The following ADAMTS18 variants were observed in gnomAD, a reference collection of about 807,000 sequenced individuals.
The protein encoded by ADAMTS18 is A disintegrin and metalloproteinase with thrombospondin motifs 18.
Under a neutral mutation model 165.9 loss-of-function variants are expected in ADAMTS18, and 157 were observed. The ratio of observed to expected loss-of-function variants is 0.95; its 90% CI spans 0.83 to 1.08. The LOEUF (loss-of-function observed/expected upper bound fraction) is 1.08, where lower values mean the gene tolerates loss of function less well. ADAMTS18 is among the 50% of genes least tolerant of loss of function. The pLI is 0.00. For synonymous variants in ADAMTS18, 782 were observed against 578.2 expected (o/e 1.35, Z -5.06); for missense variants, 2,040 against 1,534.0 (o/e 1.33, Z -5.51).
At chr16:77,404,165 G>A (rs980199905) in intron 3 of ADAMTS18, among the ~76,000 whole-genome samples, 59 of 152,270 alleles carry the variant, frequency 3.9e-4, no homozygotes, top group African/African-American at 1.4e-3. Context: ...AGGAGGAAGA[G>A]GAGGAGGTGG....
At chr16:77,299,359 C>T (rs2055536644) in intron 17 of ADAMTS18, among the ~76,000 whole-genome samples, 1 of 152,096 alleles carries the variant, frequency 6.6e-6, no homozygotes, top group South Asian at 2.1e-4. Context: ...AATGTATTAC[C>T]TTTTAATTAT....
chr16:77,389,940 T>C (rs2057163191), intron 3 of ADAMTS18, among the ~76,000 whole-genome samples: 1 of 152,176 alleles, frequency 6.6e-6, no homozygotes, highest in Admixed American at 6.5e-5. Flanking sequence ...TGATTCAAAA[T>C]AAAAATATTA....
intron 11 of ADAMTS18, among the ~76,000 whole-genome samples, chr16:77,336,160 A>G (rs142385547): frequency 0.011 from 1,641 of 152,324 alleles, 29 homozygotes; most frequent in African/African-American, 0.037. Flanking sequence ...GGCTTTGTGA[A>G]CTGTGGAGGT....
At chr16:77,313,545 T>C (rs961340284) in intron 16 of ADAMTS18, among the ~76,000 whole-genome samples, 4 of 151,334 alleles carry the variant, frequency 2.6e-5, no homozygotes, top group Non-Finnish European at 5.9e-5. Flanking sequence ...AATGGTTCTG[T>C]GTTTATGACC....
rs142086011 is a variant in ADAMTS18 at position 77,351,013 on chromosome 16, T to C, written c.1614+2720A>G. On this transcript the variant is annotated intron_variant, in intron 10 of 22. Coordinates refer to ENST00000282849, the MANE Select transcript of ADAMTS18 (RefSeq NM_199355.4). ...AAGCCCTGAAGACAAACTTCACCTC[T>C]TTCCTGCGTTGCCAGAGCGGGTCTA... is the stretch of plus-strand genomic sequence containing the variant. Among the ~76,000 whole-genome samples the C allele has an allele frequency of 2.3e-3, 349 of 152,292 alleles. 4 individuals carry two copies. The highest frequency in any genetic ancestry group is 7.2e-3 in the African/African-American group (300 of 41,578).
chr16:77,365,688 GA>G (rs149845585), intron 4 of ADAMTS18, among the ~76,000 whole-genome samples: 5,582 of 152,286 alleles, frequency 0.037, 193 homozygotes, highest in African/African-American at 0.085. Flanking sequence ...TTCCTGGGAA[GA>G]AAAATGGCAC....
intron 3 of ADAMTS18, among the ~76,000 whole-genome samples, chr16:77,408,340 C>A (rs1002198085): frequency 5.9e-5 from 9 of 151,974 alleles, no homozygotes; most frequent in African/African-American, 2.2e-4. Context: ...CGAGAAATTC[C>A]ATTTCTAGAT....
chr16:77,333,503 A>AAAT (rs1008194336), intron 12 of ADAMTS18, among the ~76,000 whole-genome samples: 5 of 151,462 alleles, frequency 3.3e-5, no homozygotes, highest in African/African-American at 1.2e-4. Flanking sequence ...AAAAAAAAAA[A>AAAT]AATAAAACAG....
At chr16:77,397,229 G>A (rs557649839) in intron 3 of ADAMTS18, among the ~76,000 whole-genome samples, 3 of 152,308 alleles carry the variant, frequency 2.0e-5, no homozygotes, top group South Asian at 2.1e-4. Context: ...AAAATCAACT[G>A]TGTAGAAAGG....
intron 16 of ADAMTS18, among the ~76,000 whole-genome samples, chr16:77,311,877 C>T (rs2055787972): frequency 6.6e-6 from 1 of 152,092 alleles, no homozygotes; most frequent in African/African-American, 2.4e-5. Context: ...AGAATGAGTG[C>T]ATAAAGAAAG....
chr16:77,284,403 C>T (rs758420307), intron 22 of ADAMTS18, among the ~76,000 whole-genome samples: 4 of 152,244 alleles, frequency 2.6e-5, no homozygotes, highest in Non-Finnish European at 5.9e-5. Flanking sequence ...ACTGGGATTA[C>T]AGGTGTGATC....
intron 3 of ADAMTS18, among the ~76,000 whole-genome samples, chr16:77,378,343 A>AAAC (rs2056982089): frequency 1.8e-5 from 1 of 56,556 alleles, no homozygotes; most frequent in African/African-American, 5.8e-5. Flanking sequence ...ACAAAAACAA[A>AAAC]AAAAAACAAA....
chr16:77,344,488 C>T (rs773563812), intron 10 of ADAMTS18, among the ~76,000 whole-genome samples: 3 of 151,936 alleles, frequency 2.0e-5, no homozygotes, highest in Non-Finnish European at 2.9e-5. Context: ...GTAAGAGAGC[C>T]GCCTATGTGA....
chr16:77,295,971 T>C lies in ADAMTS18; in HGVS notation c.2802-844A>G, dbSNP rs12926645. Among the ~76,000 whole-genome samples the C allele has an allele frequency of 2.6e-3, 398 of 151,786 alleles. 1 individual carries two copies. Among genetic ancestry groups the C allele is most frequent in the Non-Finnish European group, 3.5e-3 (235 of 67,952 alleles). On this transcript the variant is annotated intron_variant, in intron 18 of 22. Coordinates refer to ENST00000282849, the MANE Select transcript of ADAMTS18 (RefSeq NM_199355.4). ...TGATTCTCCTGCCTCAGCCTCAGAT[T>C]ATGACAAATGCACTATTATTTACAA...
intron 4 of ADAMTS18, among the ~76,000 whole-genome samples, chr16:77,365,385 G>C (rs921301245): frequency 3.3e-5 from 5 of 152,078 alleles, no homozygotes; most frequent in African/African-American, 1.2e-4. Context: ...AATGTAAACA[G>C]CTCTAAAATA....
Position 77,328,729 on chromosome 16 carries a change from C to T in ADAMTS18, c.1860-2691G>A, listed in dbSNP as rs183001690. ...CAGTTTAAGACTTTCTGTGATTTAACGAATAAACCTCATTTGGGCTCTATG... is the reference window on the plus strand; with the variant it reads ...CAGTTTAAGACTTTCTGTGATTTAATGAATAAACCTCATTTGGGCTCTATG... On this transcript the variant is annotated intron_variant, in intron 12 of 22. Coordinates refer to ENST00000282849, the MANE Select transcript of ADAMTS18 (RefSeq NM_199355.4). Among the ~76,000 whole-genome samples, 14 of 152,268 alleles carry T rather than the reference C, an allele frequency of 9.2e-5. No individual in the cohort carries two copies. In the East Asian group the frequency reaches 1.9e-3, roughly 21 times the overall value.
intron 3 of ADAMTS18, among the ~76,000 whole-genome samples, chr16:77,430,050 G>A (rs752364747): frequency 1.3e-5 from 2 of 152,204 alleles, no homozygotes; most frequent in East Asian, 3.9e-4. Flanking sequence ...AAGCCACTAC[G>A]GTGGGTTGTG....
chr16:77,291,548 G>T, intron 20 of ADAMTS18, 70 bp from the exon 21 acceptor site: 1 of 1,483,818 alleles, frequency 6.7e-7, no homozygotes, highest in South Asian at 1.1e-5. Context: ...GAGGCAGTTT[G>T]ACATAAGGTT....
At chr16:77,412,736 G>A (rs1407009491) in intron 3 of ADAMTS18, among the ~76,000 whole-genome samples, 1 of 152,130 alleles carries the variant, frequency 6.6e-6, no homozygotes. Context: ...CAGATCACAT[G>A]AGACTTATTC....
Sources: gnomAD v4.1 joint callset for allele counts (sites outside exome capture counted in the v4.1 genomes callset) on GRCh38, gnomAD v4.1.1 for gene constraint, MANE v1.5 for transcripts, NCBI Gene and HGNC (gene_info 2026-07-23, HGNC 2026-07-21) for gene names.